Variants in ALOX5 observed in about 807,000 individuals in gnomAD.
The protein encoded by ALOX5 is arachidonate 5-lipoxygenase, also known as polyunsaturated fatty acid 5-lipoxygenase.
Under a neutral mutation model 87.9 loss-of-function variants are expected in ALOX5, and 64 were observed. That is an observed-to-expected ratio of 0.73 (90% confidence interval 0.60 to 0.90). The LOEUF is 0.90. ALOX5 is among the 40% of genes least tolerant of loss of function. The pLI is 0.00. For synonymous variants in ALOX5, 388 were observed against 355.1 expected, an observed-to-expected ratio of 1.09 and a Z score of -1.04; for missense variants, 822 against 907.5, an observed-to-expected ratio of 0.91 and a Z score of 1.21.
chr10:45,386,851 TGCTCTAAAG>T (rs1840025755), intron 2 of ALOX5, among the ~76,000 whole-genome samples: 1 of 152,128 alleles, frequency 6.6e-6, no homozygotes, highest in Admixed American at 6.5e-5. Flanking sequence ...TGACCTCATC[TGCTCTAAAG>T]GCTCTGAGAA....
At chr10:45,396,218 G>A (rs769342755) in intron 3 of ALOX5, among the ~76,000 whole-genome samples, 16 of 152,228 alleles carry the variant, frequency 1.1e-4, no homozygotes, top group Non-Finnish European at 2.2e-4. Flanking sequence ...GTTCTCCATT[G>A]TAGGGGTTGC....
intron 9 of ALOX5, chr10:45,441,710 C>T (rs1190570168): frequency 2.2e-6 from 1 of 457,144 alleles, no homozygotes; most frequent in Non-Finnish European, 3.9e-6. Flanking sequence ...GGGTGTAGAC[C>T]CCCCTCTGGA....
intron 1 of ALOX5, among the ~76,000 whole-genome samples, chr10:45,381,438 G>A (rs1300262388): frequency 6.6e-6 from 1 of 152,250 alleles, no homozygotes; most frequent in African/African-American, 2.4e-5. Flanking sequence ...GAAAGACCTG[G>A]GGTGTGACTC....
rs764750532 is a variant in ALOX5, at chr10:45,424,056, C to T, written c.570C>T (p.Phe190=). Residue 190 remains phenylalanine (F), a synonymous_variant, in exon 5 of 14, where the codon TTC becomes TTT. Coordinates refer to ENST00000374391, the MANE Select transcript of ALOX5 (RefSeq NM_000698.5). ...TGGTCTGCAGGATGGAGAACCTGTT[C>T]ATCAACCGCTTCATGCACATGTTCC... The part of the protein sequence containing the change: ...LNYSKAMENL[F]INRFMHMFQS... The T allele has an allele frequency of 6.2e-7, 1 of 1,614,116 alleles. No homozygotes were observed. Among genetic ancestry groups the T allele is most frequent in the South Asian group, 1.1e-5 (1 of 91,086 alleles).
rs778423379 is a variant in ALOX5 at position 45,441,388 on chromosome 10, G to C, written c.1230G>C (p.Lys410Asn). Residue 410 changes from lysine (K) to asparagine (N), a missense_variant, in exon 9 of 14, where the codon AAG (lysine) becomes AAC (asparagine). Physicochemically the swap from Lys to Asn is moderately conservative, Grantham distance 94 (BLOSUM62 0). Coordinates refer to ENST00000374391, the MANE Select transcript of ALOX5 (RefSeq NM_000698.5). ...HVRFTIAINT[K>N]AREQLICECG... ...GATTCACCATTGCAATCAACACCAAGGCCCGTGAGCAGCTCATCTGCGAGT... is the reference window on the plus strand; with the variant it reads ...GATTCACCATTGCAATCAACACCAACGCCCGTGAGCAGCTCATCTGCGAGT... 1.9e-6 allele frequency: 3 copies of C among 1,613,872 alleles called. No homozygotes were observed. The Admixed American group carries it at 5.0e-5, about 27-fold the overall frequency.
intron 2 of ALOX5, among the ~76,000 whole-genome samples, chr10:45,395,389 A>G (rs1840459860): frequency 1.3e-5 from 2 of 152,264 alleles, no homozygotes; most frequent in South Asian, 4.1e-4. Context: ...TCTCACTCAT[A>G]GGTGGGAATT....
chr10:45,395,956 C>G lies in ALOX5; in HGVS notation c.431+20C>G. 1 of 1,609,506 alleles carries G rather than the reference C, an allele frequency of 6.2e-7. No individual in the cohort carries two copies. The highest frequency in any genetic ancestry group is 2.2e-5 in the East Asian group (1 of 44,872). On this transcript the variant is annotated intron_variant, in intron 3 of 13. Transcript: ENST00000374391. ...ATATCGGTGAGTTATGACATCAGATCGAGTGGCCACGGGGCCATGGTTTCT... is the reference window on the plus strand; with the variant it reads ...ATATCGGTGAGTTATGACATCAGATGGAGTGGCCACGGGGCCATGGTTTCT...
chr10:45,398,804 G>A (rs1053885187), intron 3 of ALOX5, among the ~76,000 whole-genome samples: 4 of 152,150 alleles, frequency 2.6e-5, no homozygotes, highest in East Asian at 1.9e-4. Context: ...AAAAAAATCC[G>A]ACAAGAACAA....
rs571310110 is a variant in ALOX5, at chr10:45,374,547, G to A, written c.150+118G>A. On this transcript the variant is annotated intron_variant, in intron 1 of 13. Transcript: ENST00000374391. ...CCGTCGGGGCGGCCCGGACAGGACT[G>A]GGGGTGTCCAGGACCCTGTCAGGGA... 1.3e-3 allele frequency: 1,350 copies of A among 1,035,384 alleles called. 2 individuals are homozygous for A. Among genetic ancestry groups the A allele is most frequent in the Non-Finnish European group, 1.6e-3 (1,248 of 775,202 alleles). 64.1% of individuals were successfully genotyped at this position (1,035,384 alleles called of 1,614,324 possible).
intron 3 of ALOX5, among the ~76,000 whole-genome samples, chr10:45,407,687 G>A (rs1009664442): frequency 6.6e-6 from 1 of 152,156 alleles, no homozygotes; most frequent in African/African-American, 2.4e-5. Context: ...AAATGAGGCA[G>A]AGGAAAAATG....
intron 3 of ALOX5, among the ~76,000 whole-genome samples, chr10:45,411,111 G>A (rs1053128546): frequency 6.6e-6 from 1 of 152,178 alleles, no homozygotes; most frequent in African/African-American, 2.4e-5. Flanking sequence ...ACATTACTAT[G>A]GCATTTGTAA....
chr10:45,438,224 G>T (rs1332326150), intron 7 of ALOX5, among the ~76,000 whole-genome samples: 1 of 151,746 alleles, frequency 6.6e-6, no homozygotes, highest in Non-Finnish European at 1.5e-5. Context: ...GGAGGGGTGA[G>T]AGTGGACATC....
rs1369098809 is a variant in ALOX5 at position 45,374,272 on chromosome 10, C to T, written c.-8C>T. ...CTCCCGGCGCTCGCTGCTCCCGCGG[C>T]CCGCGCCATGCCCTCCTACACGGTC... On this transcript the variant is annotated 5_prime_UTR_variant, in exon 1 of 14. Coordinates refer to ENST00000374391, the MANE Select transcript of ALOX5 (RefSeq NM_000698.5). 2.0e-6 allele frequency: 3 copies of T among 1,471,794 alleles called. No individual in the cohort carries two copies. The highest frequency in any genetic ancestry group is 2.7e-6 in the Non-Finnish European group (3 of 1,110,552). 91.2% of individuals were successfully genotyped at this position (1,471,794 alleles called of 1,614,324 possible). A position where few individuals can be genotyped will look rare whatever the true frequency, so the allele number is the denominator to read the frequency against.
chr10:45,419,111 C>A (rs1019614019), intron 4 of ALOX5, among the ~76,000 whole-genome samples: 1 of 152,208 alleles, frequency 6.6e-6, no homozygotes, highest in Non-Finnish European at 1.5e-5. Context: ...CCGCAGTGTA[C>A]GTAGAGGCGC....
chr10:45,390,255 C>A, intron 2 of ALOX5, among the ~76,000 whole-genome samples: 1 of 152,176 alleles, frequency 6.6e-6, no homozygotes. Flanking sequence ...GACTTTAACA[C>A]CCCACTGTCA....
chr10:45,395,682 C>T (rs919301205), intron 2 of ALOX5, among the ~76,000 whole-genome samples, 173 bp from the exon 3 acceptor site: 3 of 152,102 alleles, frequency 2.0e-5, no homozygotes, highest in Non-Finnish European at 4.4e-5. Flanking sequence ...ACACAACTTC[C>T]CTAAGCCTCA....
At chr10:45,442,865 C>T in intron 9 of ALOX5, 173 bp from the exon 10 acceptor site, 1 of 671,902 alleles carries the variant, frequency 1.5e-6, no homozygotes, top group Non-Finnish European at 2.5e-6. Context: ...ACCTCTCCAC[C>T]CGGCTGCCCT....
chr10:45,375,211 G>A (rs1262709303), intron 1 of ALOX5, among the ~76,000 whole-genome samples: 2 of 152,156 alleles, frequency 1.3e-5, no homozygotes, highest in Non-Finnish European at 2.9e-5. Context: ...TGTACACCAG[G>A]GAACACTTCC....
chr10:45,445,932 C>T lies in ALOX5; in HGVS notation c.*245C>T. On this transcript the variant is annotated 3_prime_UTR_variant, in exon 14 of 14. Coordinates refer to ENST00000374391, the MANE Select transcript of ALOX5 (RefSeq NM_000698.5). ...CTGTCCACACCCAGCTCAGCATTTC[C>T]ACACCAAGCAGCAACAGCAAATCAC... 1 of 435,062 alleles carries T rather than the reference C, an allele frequency of 2.3e-6. No individual in the cohort carries two copies. Among genetic ancestry groups the T allele is most frequent in the Middle Eastern group, 5.8e-4 (1 of 1,726 alleles). The allele number at this position is 435,062 out of a possible 1,614,324, so 27.0% of individuals were successfully genotyped here. A position where few individuals can be genotyped will look rare whatever the true frequency, so the allele number is the denominator to read the frequency against.
Sources: allele counts gnomAD v4.1 joint callset (sites outside exome capture counted in the v4.1 genomes callset), GRCh38; gene constraint gnomAD v4.1.1; transcripts MANE v1.5; gene names NCBI Gene and HGNC (gene_info 2026-07-23, HGNC 2026-07-21).